The following BOLL variants were observed in gnomAD, a reference collection of about 807,000 sequenced individuals.
BOLL encodes the protein protein boule-like.
In BOLL, 23 loss-of-function variants were observed where a neutral mutation model predicts 44.4. The ratio of observed to expected loss-of-function variants is 0.52; its 90% CI spans 0.37 to 0.73. The LOEUF (loss-of-function observed/expected upper bound fraction) is 0.73. BOLL is among the 30% of genes least tolerant of loss of function. The pLI is 0.00. For synonymous variants in BOLL, 97 were observed against 110.8 expected, an observed-to-expected ratio of 0.88 and a Z score of 0.78; for missense variants, 287 against 338.3, an observed-to-expected ratio of 0.85 and a Z score of 1.19.
In BOLL at chr2:197,757,299, C is replaced by T; in HGVS notation, c.600+54G>A. 2.0e-6 allele frequency: 3 copies of T among 1,489,722 alleles called. No individual in the cohort carries two copies. The South Asian group carries it at 3.7e-5, about 18-fold the overall frequency. The allele number at this position is 1,489,722 out of a possible 1,614,324, so 92.3% of individuals were successfully genotyped here. On this transcript the variant is annotated intron_variant, in intron 8 of 10. Transcript: ENST00000392296. ...AACTTTAGTATTCATGCAGTCATCA[C>T]AAGAATATAATGAAAGAAGGATTTA...
Position 197,742,982 on chromosome 2 carries a change from C to T in BOLL, c.828+79G>A, listed in dbSNP as rs1233300349. 434 of 1,105,228 alleles carry T rather than the reference C, an allele frequency of 3.9e-4. 2 individuals carry two copies. Among genetic ancestry groups the T allele is most frequent in the Non-Finnish European group, 2.4e-5 (19 of 797,778 alleles). The allele number at this position is 1,105,228 out of a possible 1,614,324, so 68.5% of individuals were successfully genotyped here. A position where few individuals can be genotyped will look rare whatever the true frequency, so the allele number is the denominator to read the frequency against. On this transcript the variant is annotated intron_variant, in intron 10 of 10. Coordinates refer to ENST00000392296, the MANE Select transcript of BOLL (RefSeq NM_033030.6). Reference sequence around the variant, plus strand: ...TGTGATGTAAATATCCAAAATTGTTCCTTTCTAGAAGAGAAAGTTGGAAAA... The same window carrying T: ...TGTGATGTAAATATCCAAAATTGTTTCTTTCTAGAAGAGAAAGTTGGAAAA...
At chr2:197,756,782 T>C (rs2293255) in intron 8 of BOLL, among the ~76,000 whole-genome samples, 30,140 of 152,036 alleles carry the variant, frequency 0.2, 3,029 homozygotes, top group East Asian at 0.27. Context: ...CTAGAACTTC[T>C]TAATGACTGA....
intron 7 of BOLL, among the ~76,000 whole-genome samples, chr2:197,765,501 G>A (rs1688952145): frequency 6.6e-6 from 1 of 151,612 alleles, no homozygotes; most frequent in South Asian, 2.1e-4. Context: ...ACAAAGAAAT[G>A]ATAAATGTTT....
chr2:197,743,100 G>A lies in BOLL; in HGVS notation c.789C>T (p.Ile263=), dbSNP rs1687832546. 12 of 1,605,852 alleles carry A rather than the reference G, an allele frequency of 7.5e-6. No homozygotes were observed. In the East Asian group the frequency reaches 2.5e-4, roughly 33 times the overall value. ...GCTGCATCACAGGCGCAGGCATAGT[G>A]ATGGCACTTGGAGCATAAACCTGGT... is the stretch of plus-strand genomic sequence containing the variant. ...TYHQVYAPSA[I]TMPAPVMQPE... is the part of the protein sequence containing the mutation. The change falls in exon 10 of 11, where the codon ATC becomes ATT. Residue 263 remains isoleucine, a synonymous_variant. Transcript: ENST00000392296.
intron 10 of BOLL, among the ~76,000 whole-genome samples, chr2:197,735,655 A>G (rs1226905709): frequency 6.6e-6 from 1 of 152,164 alleles, no homozygotes. Flanking sequence ...TATTATTTCT[A>G]TAACTTCTCA....
At chr2:197,746,028 C>T (rs1318521043) in intron 9 of BOLL, among the ~76,000 whole-genome samples, 3 of 152,066 alleles carry the variant, frequency 2.0e-5, no homozygotes, top group African/African-American at 7.2e-5. Context: ...TACTATCTAG[C>T]CTTTTACCTG....
At chr2:197,735,693 A>G (rs1687452633) in intron 10 of BOLL, among the ~76,000 whole-genome samples, 1 of 152,164 alleles carries the variant, frequency 6.6e-6, no homozygotes, top group Admixed American at 6.6e-5. Flanking sequence ...TCAAAATGCA[A>G]GGCTAAAAAA....
At chr2:197,745,881 A>C (rs1687966444) in intron 9 of BOLL, among the ~76,000 whole-genome samples, 1 of 152,224 alleles carries the variant, frequency 6.6e-6, no homozygotes, top group Admixed American at 6.5e-5. Flanking sequence ...TATTGGTCAG[A>C]GTGAGGTAGA....
chr2:197,739,132 T>C (rs1271447983), intron 10 of BOLL, among the ~76,000 whole-genome samples: 4 of 152,138 alleles, frequency 2.6e-5, no homozygotes, highest in African/African-American at 9.7e-5. Flanking sequence ...ATAAAATGCA[T>C]AGAACATTTA....
At chr2:197,758,977 T>C (rs757248152) in intron 7 of BOLL, 88 of 1,535,872 alleles carry the variant, frequency 5.7e-5, no homozygotes, top group Non-Finnish European at 7.5e-5. Flanking sequence ...AAAGAGTCCA[T>C]CCATCTTCTT....
intron 7 of BOLL, among the ~76,000 whole-genome samples, chr2:197,762,853 T>C (rs1056390490): frequency 1.1e-4 from 16 of 151,850 alleles, no homozygotes; most frequent in Non-Finnish European, 1.5e-4. Context: ...AACCCAAAAT[T>C]AGTAGAAGAA....
rs1399469864 is a variant in BOLL, at chr2:197,781,020, A to T, written c.129+702T>A. ...ATGGCTGATTACATGATATAAATAT[A>T]TTAGTTTTTAAAAAACTTTTATTTT... On this transcript the variant is annotated intron_variant, in intron 2 of 10. Coordinates refer to ENST00000392296, the MANE Select transcript of BOLL (RefSeq NM_033030.6). Among the ~76,000 whole-genome samples the T allele has an allele frequency of 3.3e-5, 5 of 152,058 alleles. No individual in the cohort carries two copies. The East Asian group carries it at 9.6e-4, about 29-fold the overall frequency.
chr2:197,734,765 A>C (rs1213867369), intron 10 of BOLL, among the ~76,000 whole-genome samples: 1 of 152,180 alleles, frequency 6.6e-6, no homozygotes, highest in East Asian at 1.9e-4. Flanking sequence ...ACAATGAGAA[A>C]ACTTGGACAC....
At chr2:197,754,123 C>T (rs1398682994) in intron 9 of BOLL, among the ~76,000 whole-genome samples, 1 of 152,104 alleles carries the variant, frequency 6.6e-6, no homozygotes, top group African/African-American at 2.4e-5. Context: ...ATATCACACA[C>T]CAGGGCCTGT....
intron 2 of BOLL, among the ~76,000 whole-genome samples, chr2:197,781,377 A>C (rs1409295059): frequency 1.3e-5 from 2 of 152,114 alleles, no homozygotes; most frequent in African/African-American, 2.4e-5. Flanking sequence ...ATAATCAATT[A>C]TTTTGGCTAT....
chr2:197,761,910 G>A (rs1688775106), intron 7 of BOLL, among the ~76,000 whole-genome samples: 2 of 69,046 alleles, frequency 2.9e-5, no homozygotes, highest in Non-Finnish European at 2.7e-5. Context: ...ATATAACAAT[G>A]TAATACATAT....
At chr2:197,762,330 C>A (rs182157436) in intron 7 of BOLL, among the ~76,000 whole-genome samples, 286 of 152,020 alleles carry the variant, frequency 1.9e-3, no homozygotes, top group Non-Finnish European at 3.2e-3. Context: ...GGTGACAGAG[C>A]GAGATTCCTT....
At chr2:197,784,981 C>A in intron 1 of BOLL, 75 bp downstream of exon 1, 16 of 985,942 alleles carry the variant, frequency 1.6e-5, no homozygotes, top group Non-Finnish European at 1.9e-5. Flanking sequence ...CCTCACTGGC[C>A]CCTCCCCTTG....
chr2:197,737,657 T>G (rs1687555296), intron 10 of BOLL, among the ~76,000 whole-genome samples: 1 of 152,168 alleles, frequency 6.6e-6, no homozygotes, highest in Non-Finnish European at 1.5e-5. Context: ...TCATAAGTAT[T>G]AATGATACTC....
Sources: gnomAD v4.1 joint callset for allele counts (sites outside exome capture counted in the v4.1 genomes callset) on GRCh38, gnomAD v4.1.1 for gene constraint, MANE v1.5 for transcripts, NCBI Gene and HGNC (gene_info 2026-07-23, HGNC 2026-07-21) for gene names.